The following ULK4 variants were observed in gnomAD, a reference collection of about 807,000 sequenced individuals.
The protein encoded by ULK4 is unc-51 like kinase 4.
In ULK4, 133 loss-of-function variants were observed where a neutral mutation model predicts 160.6. The observed-to-expected ratio is 0.83, with a 90% CI of 0.72 to 0.96. The LOEUF is 0.96. ULK4 is among the 40% of genes least tolerant of loss of function. The probability of loss-of-function intolerance (pLI) is 0.00; values close to 1 mark genes in which losing one functional copy is unlikely to be tolerated. For synonymous variants in ULK4, 534 were observed against 539.8 expected, an observed-to-expected ratio of 0.99 and a Z score of 0.15; for missense variants, 1,580 against 1,499.5, an observed-to-expected ratio of 1.05 and a Z score of -0.89.
chr3:41,463,147 CA>C lies in ULK4; in HGVS notation c.3332del (p.Leu1111ArgfsTer9). 1 of 1,613,704 alleles carries C rather than the reference CA, an allele frequency of 6.2e-7. No individual in the cohort carries two copies. Among genetic ancestry groups the C allele is most frequent in the Non-Finnish European group, 8.5e-7 (1 of 1,179,770 alleles). ...NEMAAPLLFSLLDILHSMLTY... is the reference protein window; with the variant it reads ...NEMAAPLLFSXLDILHSMLTY... ...TCAGCATGCTGTGCAAAATATCAAG[CA>C]GGGAAAAGAGCAGTGGAGCTGCCAT... On this transcript the variant is annotated frameshift_variant, in exon 33 of 37. Coordinates refer to ENST00000301831, the MANE Select transcript of ULK4 (RefSeq NM_017886.4). LOFTEE classifies it high-confidence loss of function.
At chr3:41,739,953 T>G (rs2038188329) in intron 22 of ULK4, among the ~76,000 whole-genome samples, 1 of 151,944 alleles carries the variant, frequency 6.6e-6, no homozygotes, top group Admixed American at 6.5e-5. Flanking sequence ...GATGCAAAAT[T>G]TTACAGCTTT....
At chr3:41,960,951 C>A (rs1368091967) in intron 1 of ULK4, among the ~76,000 whole-genome samples, 1 of 152,164 alleles carries the variant, frequency 6.6e-6, no homozygotes, top group East Asian at 1.9e-4. Flanking sequence ...ACCACCCCTC[C>A]TGATCCCCAA....
chr3:41,766,522 T>A (rs2039167678), intron 21 of ULK4: 1 of 152,208 alleles, frequency 6.6e-6, no homozygotes, highest in African/African-American at 2.4e-5. Flanking sequence ...CAAGGCTTCT[T>A]CTAGGAAAAA....
At chr3:41,850,671 T>G (rs1180921285) in intron 17 of ULK4, among the ~76,000 whole-genome samples, 3 of 147,250 alleles carry the variant, frequency 2.0e-5, no homozygotes, top group Middle Eastern at 3.2e-3. Flanking sequence ...TTTTTTCTTG[T>G]AAATTTGTTT....
At chr3:41,639,266 G>A (rs2034087229) in intron 30 of ULK4, among the ~76,000 whole-genome samples, 1 of 152,158 alleles carries the variant, frequency 6.6e-6, no homozygotes, top group Admixed American at 6.5e-5. Flanking sequence ...ATTCTTTGTT[G>A]CAAGACAATG....
At chr3:41,537,036 G>C (rs1399517983) in intron 32 of ULK4, among the ~76,000 whole-genome samples, 1 of 152,168 alleles carries the variant, frequency 6.6e-6, no homozygotes, top group Non-Finnish European at 1.5e-5. Flanking sequence ...TTTGTTTGCT[G>C]ACACTGCTTC....
Position 41,477,135 on chromosome 3 carries a change from G to T in ULK4, c.3227-13882C>A, listed in dbSNP as rs554005456. Among the ~76,000 whole-genome samples, 90 of 152,064 alleles carry T rather than the reference G, an allele frequency of 5.9e-4. 2 individuals carry two copies. Among genetic ancestry groups the T allele is most frequent in the African/African-American group, 2.2e-3 (90 of 41,468 alleles). On this transcript the variant is annotated intron_variant, in intron 32 of 36. Coordinates refer to ENST00000301831, the MANE Select transcript of ULK4 (RefSeq NM_017886.4). ...ACATTCATTAATTCAAAGAACCCAA[G>T]AATTATTTTGCATTAATTATAACCA...
At chr3:41,460,752 C>T (rs560411280) in intron 33 of ULK4, among the ~76,000 whole-genome samples, 2 of 152,230 alleles carry the variant, frequency 1.3e-5, no homozygotes, top group Admixed American at 1.3e-4. Context: ...TTATTGGTCA[C>T]CTTCACCGGG....
intron 17 of ULK4, among the ~76,000 whole-genome samples, chr3:41,876,331 T>C (rs1339762517): frequency 1.3e-5 from 2 of 152,202 alleles, no homozygotes; most frequent in African/African-American, 4.8e-5. Context: ...ACTCCTATCT[T>C]CTGATGCCAT....
chr3:41,398,852 T>G (rs2082121181), intron 34 of ULK4, among the ~76,000 whole-genome samples: 1 of 152,106 alleles, frequency 6.6e-6, no homozygotes, highest in Non-Finnish European at 1.5e-5. Context: ...GAGTACAGTG[T>G]GAGGTTTCAA....
chr3:41,386,921 G>A (rs1206793597), intron 35 of ULK4, among the ~76,000 whole-genome samples: 1 of 152,102 alleles, frequency 6.6e-6, no homozygotes, highest in East Asian at 1.9e-4. Flanking sequence ...CTCTTGAGGT[G>A]GACTATCATT....
At chr3:41,764,151 T>C (rs2039080434) in intron 21 of ULK4, among the ~76,000 whole-genome samples, 1 of 152,210 alleles carries the variant, frequency 6.6e-6, no homozygotes, top group African/African-American at 2.4e-5. Context: ...AAAAAGTGTA[T>C]AAATTTAAAG....
chr3:41,613,060 C>T (rs80135037), intron 31 of ULK4, among the ~76,000 whole-genome samples: 26,358 of 152,092 alleles, frequency 0.17, 2,402 homozygotes, highest in South Asian at 0.22. Context: ...AAGTAGCAGC[C>T]GAGCATGCAG....
Position 41,911,384 on chromosome 3 carries a change from T to A in ULK4, c.1018A>T (p.Asn340Tyr), listed in dbSNP as rs1698778794. The change falls in exon 11 of 37, where the codon AAT (asparagine) becomes TAT (tyrosine). Residue 340 changes from asparagine (N) to tyrosine (Y), a missense_variant and splice_region_variant. By Grantham distance (143) the Asn-to-Tyr change is moderately radical. Coordinates refer to ENST00000301831, the MANE Select transcript of ULK4 (RefSeq NM_017886.4). ...QPLGHSFRLENPTEFRPKSTL... is the reference protein window; with the variant it reads ...QPLGHSFRLEYPTEFRPKSTL... Reference sequence around the variant, plus strand: ...CTCTTAGGCCGAAACTCAGTTGGATTTTCTGTAGCAGGAAAGTAATATGTT... The same window carrying A: ...CTCTTAGGCCGAAACTCAGTTGGATATTCTGTAGCAGGAAAGTAATATGTT... 6.2e-7 allele frequency: 1 copy of A among 1,614,016 alleles called. No individual in the cohort carries two copies. Among genetic ancestry groups the A allele is most frequent in the Non-Finnish European group, 8.5e-7 (1 of 1,180,008 alleles).
intron 31 of ULK4, among the ~76,000 whole-genome samples, chr3:41,585,962 CA>C (rs1435577904): frequency 6.6e-6 from 1 of 152,102 alleles, no homozygotes; most frequent in Non-Finnish European, 1.5e-5. Context: ...AATGATATAT[CA>C]GCTCACACCT....
chr3:41,648,831 C>T (rs751050156), intron 30 of ULK4, among the ~76,000 whole-genome samples: 3 of 152,096 alleles, frequency 2.0e-5, no homozygotes, highest in African/African-American at 4.8e-5. Flanking sequence ...CATCAGAAAA[C>T]GCAGTAAAAA....
At chr3:41,736,970 G>T (rs1215608039) in intron 22 of ULK4, among the ~76,000 whole-genome samples, 2 of 151,448 alleles carry the variant, frequency 1.3e-5, no homozygotes, top group African/African-American at 2.4e-5. Context: ...CATTGCTTGT[G>T]TTTGTCAGGT....
At chr3:41,491,167 G>C (rs532233768) in intron 32 of ULK4, among the ~76,000 whole-genome samples, 1 of 152,134 alleles carries the variant, frequency 6.6e-6, no homozygotes, top group South Asian at 2.1e-4. Flanking sequence ...CAAATAAAGA[G>C]CCCTACCATA....
chr3:41,454,116 T>C (rs974251226), intron 34 of ULK4, among the ~76,000 whole-genome samples: 1 of 149,444 alleles, frequency 6.7e-6, no homozygotes, highest in African/African-American at 2.5e-5. Context: ...ACATGGCACA[T>C]GTATACATAT....
Sources: allele counts gnomAD v4.1 joint callset (sites outside exome capture counted in the v4.1 genomes callset), GRCh38; gene constraint gnomAD v4.1.1; transcripts MANE v1.5; gene names NCBI Gene and HGNC (gene_info 2026-07-23, HGNC 2026-07-21).